Variants in RMND1 observed in about 807,000 individuals in gnomAD.
The protein encoded by RMND1 is required for meiotic nuclear division 1 homolog, also known as required for meiotic nuclear division protein 1 homolog.
A neutral mutation model predicts 54.0 loss-of-function variants in RMND1; 41 were observed. The ratio of observed to expected loss-of-function variants is 0.76; its 90% CI spans 0.59 to 0.98. The LOEUF (loss-of-function observed/expected upper bound fraction) is 0.98, where lower values mean the gene tolerates loss of function less well. RMND1 is among the 50% of genes least tolerant of loss of function. The probability of loss-of-function intolerance (pLI) is 0.00; values close to 1 mark genes in which losing one functional copy is unlikely to be tolerated. For synonymous variants in RMND1, 183 were observed against 181.7 expected, an observed-to-expected ratio of 1.01 and a Z score of -0.06; for missense variants, 457 against 532.0, an observed-to-expected ratio of 0.86 and a Z score of 1.39.
intron 6 of RMND1, among the ~76,000 whole-genome samples, chr6:151,424,103 G>C (rs947562319): frequency 6.6e-6 from 1 of 151,842 alleles, no homozygotes; most frequent in African/African-American, 2.4e-5. Context: ...CACCCACCTC[G>C]GCCTCCCAAA....
chr6:151,450,579 G>A (rs1240674397), intron 1 of RMND1, among the ~76,000 whole-genome samples: 1 of 146,160 alleles, frequency 6.8e-6, no homozygotes, highest in Non-Finnish European at 1.5e-5. Flanking sequence ...GAGGGAGGTG[G>A]GGGGGTCAGC....
intron 1 of RMND1, among the ~76,000 whole-genome samples, chr6:151,451,265 C>G (rs187267875): frequency 1.3e-3 from 195 of 151,568 alleles, no homozygotes; most frequent in African/African-American, 4.5e-3. Flanking sequence ...TTGCATTTCT[C>G]CATTGTTTAA....
intron 10 of RMND1, among the ~76,000 whole-genome samples, chr6:151,414,996 A>G (rs1779959096): frequency 6.6e-6 from 1 of 152,122 alleles, no homozygotes; most frequent in Non-Finnish European, 1.5e-5. Flanking sequence ...AGACAAACTA[A>G]GAGAATTTGT....
intron 10 of RMND1, among the ~76,000 whole-genome samples, chr6:151,410,340 C>T (rs1485829308): frequency 2.6e-5 from 4 of 152,142 alleles, no homozygotes; most frequent in African/African-American, 9.7e-5. Flanking sequence ...CAGGCATGAG[C>T]CACCGCACCC....
At chr6:151,425,357 C>T (rs565443695) in intron 6 of RMND1, among the ~76,000 whole-genome samples, 4 of 152,006 alleles carry the variant, frequency 2.6e-5, no homozygotes, top group South Asian at 2.1e-4. Flanking sequence ...GTCTTTCTGA[C>T]GAAACAAAAT....
At chr6:151,441,620 C>A (rs889499184) in intron 2 of RMND1, among the ~76,000 whole-genome samples, 1 of 152,062 alleles carries the variant, frequency 6.6e-6, no homozygotes, top group Admixed American at 6.5e-5. Flanking sequence ...ATGGCTTACA[C>A]AATGAAACCT....
chr6:151,447,916 C>T (rs191822098), intron 1 of RMND1, among the ~76,000 whole-genome samples: 1,560 of 150,376 alleles, frequency 0.01, 15 homozygotes, highest in Non-Finnish European at 0.016. Flanking sequence ...CCGGTTCAAG[C>T]GATTCTCCTG....
chr6:151,447,802 A>T, intron 1 of RMND1, among the ~76,000 whole-genome samples: 1 of 144,458 alleles, frequency 6.9e-6, no homozygotes, highest in Non-Finnish European at 1.5e-5. Flanking sequence ...ATTCTCTTTG[A>T]GTAAATTCTT....
At chr6:151,450,596 C>T (rs1455600277) in intron 1 of RMND1, among the ~76,000 whole-genome samples, 2 of 146,414 alleles carry the variant, frequency 1.4e-5, no homozygotes, top group African/African-American at 2.5e-5. Flanking sequence ...CAGCCCCCCG[C>T]CCGGCCAGCC....
chr6:151,446,287 T>C (rs112647171), intron 1 of RMND1, among the ~76,000 whole-genome samples: 11 of 152,074 alleles, frequency 7.2e-5, no homozygotes, highest in African/African-American at 2.7e-4. Flanking sequence ...AAAAATTAGC[T>C]GGGTGTGATG....
intron 11 of RMND1, 54 bp from the exon 12 acceptor site, chr6:151,405,321 TA>T: frequency 6.8e-7 from 1 of 1,466,878 alleles, no homozygotes; most frequent in South Asian, 1.1e-5. Flanking sequence ...GGGTACAAAC[TA>T]AAATGACTTC....
At position 151,417,313 on chromosome 6, in the gene RMND1, G is replaced by A. The variant is rs368424786; in HGVS notation, c.1166C>T (p.Thr389Met). ...TCGGCCAATGCTAAGGAATTGACAC[G>A]TTTTATCGTAAAGTCCTTCCAGGTT... Reference protein sequence around the residue: ...RENLEGLYDKTCQFLSIGRRV... With the variant: ...RENLEGLYDKMCQFLSIGRRV... The change falls in exon 10 of 12, where the codon ACG (threonine) becomes ATG (methionine). Residue 389 changes from threonine (T) to methionine (M), a missense_variant. Physicochemically the swap from Thr to Met is moderately conservative, Grantham distance 81. Coordinates refer to ENST00000444024, the MANE Select transcript of RMND1 (RefSeq NM_017909.4). 88 of 1,613,182 alleles carry A rather than the reference G, an allele frequency of 5.5e-5. No individual in the cohort carries two copies. Among genetic ancestry groups the A allele is most frequent in the African/African-American group, 8.0e-5 (6 of 74,890 alleles).
In RMND1 at chr6:151,416,996, A is replaced by G. The variant is rs3778608; in HGVS notation, c.1200+283T>C. The G allele has an allele frequency of 0.51, 125,867 of 247,726 alleles. 35,706 individuals are homozygous for G. Among genetic ancestry groups the G allele is most frequent in the African/African-American group, 0.82 (36,746 of 44,636 alleles). The allele number at this position is 247,726 out of a possible 1,614,324, so 15.3% of individuals were successfully genotyped here. A position where few individuals can be genotyped will look rare whatever the true frequency, so the allele number is the denominator to read the frequency against. ...TCTCACTGTCACCATGACAGATCAG[A>G]AGCAGTCATGAACTCTTGCTTGAAA... is the stretch of plus-strand genomic sequence containing the variant. On this transcript the variant is annotated intron_variant, in intron 10 of 11. Coordinates refer to ENST00000444024, the MANE Select transcript of RMND1 (RefSeq NM_017909.4).
Position 151,452,100 on chromosome 6 carries a change from C to T in RMND1, c.-99G>A. 5.6e-6 allele frequency: 1 copy of T among 179,936 alleles called. No individual in the cohort carries two copies. Among genetic ancestry groups the T allele is most frequent in the South Asian group, 9.0e-5 (1 of 11,148 alleles). The allele number at this position is 179,936 out of a possible 1,614,324, so 11.1% of individuals were successfully genotyped here. A position where few individuals can be genotyped will look rare whatever the true frequency, so the allele number is the denominator to read the frequency against. On this transcript the variant is annotated 5_prime_UTR_variant, in exon 1 of 12. Transcript: ENST00000444024. Reference sequence around the variant, plus strand: ...AGGGAAAGAGCCGCACCCCCAGCCTCTCACTACTGCAGCCAACCCATCTCC... The same window carrying T: ...AGGGAAAGAGCCGCACCCCCAGCCTTTCACTACTGCAGCCAACCCATCTCC...
Position 151,445,726 on chromosome 6 carries a change from A to G in RMND1, c.86T>C (p.Met29Thr). 1 of 1,614,124 alleles carries G rather than the reference A, an allele frequency of 6.2e-7. No homozygotes were observed. The highest frequency in any genetic ancestry group is 8.5e-7 in the Non-Finnish European group (1 of 1,180,034). ...AHQCRRIGHL[M>T]LKPLKEFENT... ...TTCAAATTCCTTAAGTGGTTTTAAC[A>G]TTAGATGACCGATTCTTCGGCACTG... Residue 29 changes from methionine (M) to threonine (T), a missense_variant, in exon 2 of 12, where the codon ATG (methionine) becomes ACG (threonine). Physicochemically the swap from Met to Thr is moderately conservative, Grantham distance 81. Transcript: ENST00000444024.
chr6:151,412,597 T>A (rs1174975778), intron 10 of RMND1, among the ~76,000 whole-genome samples: 5 of 152,228 alleles, frequency 3.3e-5, no homozygotes, highest in Non-Finnish European at 5.9e-5. Context: ...CTCACTGCTA[T>A]AAAGAAATAC....
intron 8 of RMND1, among the ~76,000 whole-genome samples, chr6:151,421,602 A>C (rs949573144): frequency 1.6e-4 from 25 of 152,298 alleles, no homozygotes; most frequent in Middle Eastern, 3.4e-3. Flanking sequence ...TCCTTTCCGA[A>C]GTATAATTAG....
chr6:151,447,545 T>C (rs972708789), intron 1 of RMND1, among the ~76,000 whole-genome samples: 3 of 152,176 alleles, frequency 2.0e-5, no homozygotes, highest in Non-Finnish European at 2.9e-5. Flanking sequence ...TCAACACTCT[T>C]ACCCACTACC....
chr6:151,446,199 G>C (rs1259258003), intron 1 of RMND1, among the ~76,000 whole-genome samples: 1 of 152,132 alleles, frequency 6.6e-6, no homozygotes, highest in Non-Finnish European at 1.5e-5. Context: ...GAGGCAGGTG[G>C]ATCGCTTGAG....
Sources: allele counts gnomAD v4.1 joint callset (sites outside exome capture counted in the v4.1 genomes callset), GRCh38; gene constraint gnomAD v4.1.1; transcripts MANE v1.5; gene names NCBI Gene and HGNC (gene_info 2026-07-23, HGNC 2026-07-21).